Variants in ZSWIM6 observed in about 807,000 individuals in gnomAD.
The protein encoded by ZSWIM6 is zinc finger SWIM-type containing 6.
Under a neutral mutation model 113.2 loss-of-function variants are expected in ZSWIM6, and 9 were observed. The observed-to-expected ratio is 0.08, with a 90% CI of 0.05 to 0.14. The LOEUF (loss-of-function observed/expected upper bound fraction) is 0.14. Among genes scored for constraint, ZSWIM6 ranks in the 10% least tolerant of loss-of-function variants. The pLI, the probability that ZSWIM6 is intolerant of heterozygous loss-of-function variation, is 1.00. For missense variants in ZSWIM6, 1,162 were observed against 1,552.2 expected, an observed-to-expected ratio of 0.75 and a Z score of 4.22; for synonymous variants, 611 against 606.5, an observed-to-expected ratio of 1.01 and a Z score of -0.11.
intron 1 of ZSWIM6, among the ~76,000 whole-genome samples, chr5:61,359,903 TAATGC>T (rs1744996276): frequency 1.3e-5 from 2 of 152,098 alleles, no homozygotes; most frequent in African/African-American, 4.8e-5. Flanking sequence ...GAGAAAGATT[TAATGC>T]AGGGTATTGG....
intron 4 of ZSWIM6, among the ~76,000 whole-genome samples, chr5:61,505,299 C>T (rs1363881687): frequency 6.6e-6 from 1 of 152,168 alleles, no homozygotes; most frequent in East Asian, 1.9e-4. Flanking sequence ...AAGAAAGCAT[C>T]TATCATTGTG....
intron 1 of ZSWIM6, among the ~76,000 whole-genome samples, chr5:61,466,600 A>G (rs1458762447): frequency 6.6e-6 from 1 of 152,206 alleles, no homozygotes; most frequent in Non-Finnish European, 1.5e-5. Context: ...GTGCCATGAA[A>G]GCAGTAGTTT....
chr5:61,504,127 T>G (rs1748540910), intron 4 of ZSWIM6, among the ~76,000 whole-genome samples: 1 of 152,228 alleles, frequency 6.6e-6, no homozygotes, highest in African/African-American at 2.4e-5. Flanking sequence ...ATTTTTGATG[T>G]ACTGAAAACA....
At chr5:61,450,827 T>C (rs1747071794) in intron 1 of ZSWIM6, among the ~76,000 whole-genome samples, 1 of 151,994 alleles carries the variant, frequency 6.6e-6, no homozygotes, top group African/African-American at 2.4e-5. Flanking sequence ...AATAAGTGAG[T>C]ATAGGGAAGA....
chr5:61,375,088 C>T, intron 1 of ZSWIM6: 4 of 1,599,686 alleles, frequency 2.5e-6, no homozygotes, highest in Non-Finnish European at 3.4e-6. Context: ...CCTCGGTGTG[C>T]TACTGTGCGC....
intron 4 of ZSWIM6, among the ~76,000 whole-genome samples, chr5:61,512,507 G>T (rs1198269926): frequency 6.6e-6 from 1 of 152,082 alleles, no homozygotes. Flanking sequence ...GGGTCATATG[G>T]TCAAAATACA....
chr5:61,375,832 A>G (rs1745364673), intron 1 of ZSWIM6: 2 of 1,020,384 alleles, frequency 2.0e-6, no homozygotes, highest in South Asian at 1.4e-5. Context: ...GAAGGCTGCT[A>G]GTTCAAGTCC....
intron 1 of ZSWIM6, among the ~76,000 whole-genome samples, chr5:61,334,357 G>C (rs1744342304): frequency 6.6e-6 from 1 of 152,112 alleles, no homozygotes; most frequent in South Asian, 2.1e-4. Context: ...CATATTTTCT[G>C]ACCCCCTCCC....
chr5:61,531,777 T>C (rs1749441544), intron 9 of ZSWIM6, 52 bp downstream of exon 9: 4 of 1,529,442 alleles, frequency 2.6e-6, no homozygotes, highest in East Asian at 4.9e-5. Context: ...ACTTAGGTGC[T>C]AATCTTTCTT....
chr5:61,518,388 A>G (rs1440639053), intron 4 of ZSWIM6, among the ~76,000 whole-genome samples: 1 of 150,942 alleles, frequency 6.6e-6, no homozygotes, highest in Admixed American at 6.6e-5. Flanking sequence ...TGGTTGAACT[A>G]GTTTACAGTC....
Position 61,545,355 on chromosome 5 carries a change from GA to G in ZSWIM6, c.*1039del, listed in dbSNP as rs971980654. On this transcript the variant is annotated 3_prime_UTR_variant, in exon 14 of 14. Transcript: ENST00000252744. ...TATAACAGGCACTAGAATAAAGAGG[GA>G]CAACAAAATACACAGCCAGAGCAGC... 5.9e-5 allele frequency: 9 copies of G among 151,914 alleles called. No individual in the cohort carries two copies. The highest frequency in any genetic ancestry group is 2.2e-4 in the African/African-American group (9 of 41,366). 9.4% of individuals were successfully genotyped at this position (151,914 alleles called of 1,614,324 possible). A position where few individuals can be genotyped will look rare whatever the true frequency, so the allele number is the denominator to read the frequency against.
At chr5:61,480,723 TCTCTC>T (rs1432304781) in intron 2 of ZSWIM6, among the ~76,000 whole-genome samples, 5 of 152,204 alleles carry the variant, frequency 3.3e-5, no homozygotes, top group Non-Finnish European at 7.3e-5. Flanking sequence ...GTCTTCTAGT[TCTCTC>T]CTCTCTGCTG....
At chr5:61,530,319 G>A in intron 8 of ZSWIM6, 121 bp downstream of exon 8, 3 of 999,430 alleles carry the variant, frequency 3.0e-6, no homozygotes, top group Non-Finnish European at 2.8e-6. Flanking sequence ...CCTTTGGTTA[G>A]CAAGAGAGCA....
chr5:61,387,102 A>G (rs570303714), intron 1 of ZSWIM6, among the ~76,000 whole-genome samples: 1 of 152,186 alleles, frequency 6.6e-6, no homozygotes, highest in African/African-American at 2.4e-5. Context: ...GTAGTTGCTT[A>G]TGTCAGAAAA....
At chr5:61,465,159 T>C (rs1747409815) in intron 1 of ZSWIM6, among the ~76,000 whole-genome samples, 1 of 152,186 alleles carries the variant, frequency 6.6e-6, no homozygotes, top group Admixed American at 6.5e-5. Context: ...GTTTAAAAGA[T>C]TGGGGCAAAT....
At chr5:61,518,463 T>C (rs1282418347) in intron 4 of ZSWIM6, among the ~76,000 whole-genome samples, 1 of 151,892 alleles carries the variant, frequency 6.6e-6, no homozygotes, top group African/African-American at 2.4e-5. Flanking sequence ...GTTTCCTGAC[T>C]TTTTAATGAT....
intron 1 of ZSWIM6, among the ~76,000 whole-genome samples, chr5:61,379,377 T>G (rs776435850): frequency 2.7e-5 from 4 of 150,818 alleles, no homozygotes; most frequent in Non-Finnish European, 5.9e-5. Flanking sequence ...AAGTGTTTTA[T>G]TGCCTCTCTT....
intron 1 of ZSWIM6, among the ~76,000 whole-genome samples, chr5:61,351,949 A>G (rs1744793636): frequency 6.6e-6 from 1 of 152,226 alleles, no homozygotes; most frequent in Admixed American, 6.5e-5. Context: ...CTTAGAATCT[A>G]TATTGCAGCC....
intron 1 of ZSWIM6, among the ~76,000 whole-genome samples, chr5:61,366,266 G>A (rs146416593): frequency 0.012 from 1,882 of 152,294 alleles, 25 homozygotes; most frequent in Non-Finnish European, 0.021. Context: ...CATTTTTTGA[G>A]CAATCTAATA....
Sources: allele counts gnomAD v4.1 joint callset (sites outside exome capture counted in the v4.1 genomes callset), GRCh38; gene constraint gnomAD v4.1.1; transcripts MANE v1.5; gene names NCBI Gene and HGNC (gene_info 2026-07-23, HGNC 2026-07-21).